Variants in ANKS1B observed in about 807,000 individuals in gnomAD.
ANKS1B encodes the protein ankyrin repeat and sterile alpha motif domain-containing protein 1B.
In ANKS1B, 36 loss-of-function variants were observed where a neutral mutation model predicts 148.3. The observed-to-expected ratio is 0.24, with a 90% CI of 0.19 to 0.32. The LOEUF (loss-of-function observed/expected upper bound fraction) is 0.32. Ranked by LOEUF, ANKS1B falls within the 10% of genes least tolerant of loss-of-function variation. The probability of loss-of-function intolerance (pLI) is 1.00; values close to 1 mark genes in which losing one functional copy is unlikely to be tolerated. For missense variants in ANKS1B, 1,157 were observed against 1,542.6 expected (o/e 0.75, Z 4.19); for synonymous variants, 542 against 560.8 (o/e 0.97, Z 0.47).
At chr12:98,847,663 T>G (rs1025556527) in intron 17 of ANKS1B, among the ~76,000 whole-genome samples, 3 of 152,208 alleles carry the variant, frequency 2.0e-5, no homozygotes, top group Non-Finnish European at 4.4e-5. Flanking sequence ...TGGAGAGATC[T>G]TGGCTCACTG....
intron 9 of ANKS1B, among the ~76,000 whole-genome samples, chr12:99,588,561 C>G (rs1247079953): frequency 6.6e-6 from 1 of 151,654 alleles, no homozygotes; most frequent in Non-Finnish European, 1.5e-5. Context: ...GGACTACAGG[C>G]ACCCGCCACT....
chr12:99,289,640 T>A (rs2079631198), intron 12 of ANKS1B, among the ~76,000 whole-genome samples: 1 of 151,712 alleles, frequency 6.6e-6, no homozygotes, highest in Non-Finnish European at 1.5e-5. Context: ...TACAAACACA[T>A]GGAAATTAAA....
intron 8 of ANKS1B, among the ~76,000 whole-genome samples, chr12:99,677,171 C>A (rs2098579748): frequency 6.6e-6 from 1 of 152,170 alleles, no homozygotes; most frequent in Non-Finnish European, 1.5e-5. Flanking sequence ...CTTTTGCGCT[C>A]CTACATCTTT....
At chr12:99,226,584 T>TGTCA (rs2085972523) in intron 14 of ANKS1B, among the ~76,000 whole-genome samples, 1 of 152,208 alleles carries the variant, frequency 6.6e-6, no homozygotes, top group Non-Finnish European at 1.5e-5. Flanking sequence ...ATAATACACA[T>TGTCA]GTCACACGGA....
At chr12:99,395,002 C>T (rs1455258644) in intron 12 of ANKS1B, among the ~76,000 whole-genome samples, 1 of 152,146 alleles carries the variant, frequency 6.6e-6, no homozygotes, top group African/African-American at 2.4e-5. Flanking sequence ...GTCTTGGAGT[C>T]ATCCTTAATT....
chr12:99,279,730 G>C (rs1240432339), intron 12 of ANKS1B, among the ~76,000 whole-genome samples: 2 of 152,118 alleles, frequency 1.3e-5, no homozygotes, highest in Non-Finnish European at 2.9e-5. Flanking sequence ...ATAATAATTA[G>C]GGGTTGGGCA....
intron 10 of ANKS1B, among the ~76,000 whole-genome samples, chr12:99,470,309 A>G (rs2096219551): frequency 6.6e-6 from 1 of 152,118 alleles, no homozygotes; most frequent in African/African-American, 2.4e-5. Context: ...TGTTCATTAT[A>G]CAATCACTGG....
intron 12 of ANKS1B, among the ~76,000 whole-genome samples, chr12:99,255,831 AAT>A (rs1324172020): frequency 6.6e-6 from 1 of 152,176 alleles, no homozygotes; most frequent in African/African-American, 2.4e-5. Context: ...AGTGTGTATG[AAT>A]ATGAGTCTTT....
chr12:99,060,150 G>A (rs963955055), intron 16 of ANKS1B, among the ~76,000 whole-genome samples: 3 of 152,102 alleles, frequency 2.0e-5, no homozygotes, highest in Non-Finnish European at 4.4e-5. Flanking sequence ...ACAGAAATTC[G>A]AGATAGCAGT....
chr12:99,599,342 G>A (rs1042895068), intron 9 of ANKS1B, among the ~76,000 whole-genome samples: 17 of 152,046 alleles, frequency 1.1e-4, no homozygotes, highest in African/African-American at 3.9e-4. Flanking sequence ...TGGCAGGTGG[G>A]AGGGGTAAAA....
intron 15 of ANKS1B, among the ~76,000 whole-genome samples, chr12:99,095,694 A>G (rs1396204494): frequency 1.3e-5 from 2 of 152,204 alleles, no homozygotes; most frequent in Non-Finnish European, 2.9e-5. Flanking sequence ...GTTATAATGG[A>G]GGCAACAGGA....
intron 14 of ANKS1B, among the ~76,000 whole-genome samples, chr12:99,225,512 T>C (rs2085777346): frequency 6.6e-6 from 1 of 151,676 alleles, no homozygotes; most frequent in Middle Eastern, 3.2e-3. Context: ...CAAAGGAGAG[T>C]AACATTTGAG....
At chr12:99,867,977 GCT>G (rs1451926105) in intron 1 of ANKS1B, among the ~76,000 whole-genome samples, 50 of 152,244 alleles carry the variant, frequency 3.3e-4, no homozygotes, top group African/African-American at 8.9e-4. Context: ...CCATGATCAA[GCT>G]GGGTCTATTC....
intron 17 of ANKS1B, among the ~76,000 whole-genome samples, chr12:98,878,076 T>C (rs1251280815): frequency 6.6e-6 from 1 of 152,126 alleles, no homozygotes; most frequent in Non-Finnish European, 1.5e-5. Flanking sequence ...AAATGGAATA[T>C]ATAAAAATCT....
rs531951556 is a variant in ANKS1B, at chr12:99,105,468, A to G, written c.2527-20445T>C. ...GCTTTAGTGTTCTGCAGACAACCCA[A>G]TGTCACAGGAAATACTAATTCCCTT... is the stretch of plus-strand genomic sequence containing the variant. On this transcript the variant is annotated intron_variant, in intron 15 of 26. Transcript: ENST00000683438. Among the ~76,000 whole-genome samples, 7 of 152,274 alleles carry G rather than the reference A, an allele frequency of 4.6e-5. 1 individual carries two copies. The highest frequency in any genetic ancestry group is 2.1e-4 in the South Asian group (1 of 4,814).
At chr12:99,759,460 T>C (rs2061879384) in intron 8 of ANKS1B, among the ~76,000 whole-genome samples, 1 of 151,956 alleles carries the variant, frequency 6.6e-6, no homozygotes, top group Non-Finnish European at 1.5e-5. Flanking sequence ...GCATGAGCAA[T>C]TTCAGCAATT....
chr12:98,803,990 C>T (rs1258778802), intron 20 of ANKS1B, among the ~76,000 whole-genome samples: 1 of 152,126 alleles, frequency 6.6e-6, no homozygotes, highest in Non-Finnish European at 1.5e-5. Flanking sequence ...TCACTGAAAT[C>T]CCTTATTTGA....
chr12:99,460,800 T>C (rs564025046), intron 10 of ANKS1B, among the ~76,000 whole-genome samples: 2 of 151,994 alleles, frequency 1.3e-5, no homozygotes, highest in South Asian at 4.1e-4. Context: ...TTGATGGGAA[T>C]GTAAACTAAT....
chr12:99,920,231 A>C (rs1345126676), intron 1 of ANKS1B, among the ~76,000 whole-genome samples: 2 of 152,160 alleles, frequency 1.3e-5, no homozygotes, highest in Non-Finnish European at 2.9e-5. Context: ...AATATATAGG[A>C]ATGAATAAGC....
Sources: gnomAD v4.1 joint callset for allele counts (sites outside exome capture counted in the v4.1 genomes callset) on GRCh38, gnomAD v4.1.1 for gene constraint, MANE v1.5 for transcripts, NCBI Gene and HGNC (gene_info 2026-07-23, HGNC 2026-07-21) for gene names.